Variants in ZSCAN5B observed in about 807,000 individuals in gnomAD.
ZSCAN5B encodes zinc finger and SCAN domain containing 5B.
Under a neutral mutation model 25.2 loss-of-function variants are expected in ZSCAN5B, and 26 were observed. The observed-to-expected ratio is 1.03, with a 90% CI of 0.76 to 1.43. The LOEUF is 1.43. ZSCAN5B is among the 40% of genes most tolerant of loss of function. The probability of loss-of-function intolerance (pLI) is 0.00; values close to 1 mark genes in which losing one functional copy is unlikely to be tolerated. For missense variants in ZSCAN5B, 745 were observed against 622.1 expected (o/e 1.20, Z -2.10); for synonymous variants, 244 against 240.9 (o/e 1.01, Z -0.12).
chr19:56,196,928 C>T (rs749301628), intron 1 of ZSCAN5B, among the ~76,000 whole-genome samples: 14 of 152,024 alleles, frequency 9.2e-5, no homozygotes, highest in Non-Finnish European at 1.3e-4. Flanking sequence ...TTGCTTGAGC[C>T]GAGGAGTTCG....
exon 5 of ZSCAN5B, chr19:56,190,013 G>T: frequency 3.7e-6 from 6 of 1,613,944 alleles, no homozygotes; most frequent in Non-Finnish European, 5.1e-6. Context: ...GCCTCTCCCC[G>T]GTGTGGATCC....
At chr19:56,193,357 C>T (rs1173542849) in intron 1 of ZSCAN5B, among the ~76,000 whole-genome samples, 178 bp from the exon 2 acceptor site, 4 of 152,152 alleles carry the variant, frequency 2.6e-5, no homozygotes, top group African/African-American at 7.2e-5. Flanking sequence ...AATCTGAATG[C>T]TCCCCTGGAT....
chr19:56,195,551 C>G (rs554460320), intron 1 of ZSCAN5B, among the ~76,000 whole-genome samples: 1 of 151,404 alleles, frequency 6.6e-6, no homozygotes, highest in Non-Finnish European at 1.5e-5. Context: ...TTAGAGCAGC[C>G]GATATGGGAG....
chr19:56,190,240 C>A lies in ZSCAN5B; in HGVS notation c.1075G>T (p.Val359Leu), dbSNP rs373469763. ...AAATACTTAAATGATTTATTGCACA[C>A]GTCACATGCAAAGGGCGGCAGGGCC... The change falls in exon 5 of 5, where the codon GTG becomes TTG. Residue 359 changes from valine to leucine, a missense_variant. By Grantham distance (32) the Val-to-Leu change is conservative. Coordinates refer to ENST00000586855, the Ensembl canonical transcript of ZSCAN5B. The A allele has an allele frequency of 2.5e-6, 4 of 1,614,142 alleles. No individual in the cohort carries two copies. The South Asian group carries it at 3.3e-5, about 13-fold the overall frequency.
chr19:56,190,950 G>C, exon 4 of ZSCAN5B: 1 of 1,614,034 alleles, frequency 6.2e-7, no homozygotes, highest in Non-Finnish European at 8.5e-7. Flanking sequence ...TGGGTCACCT[G>C]TTACGTCAAT....
chr19:56,196,825 C>T (rs1438940593), intron 1 of ZSCAN5B, among the ~76,000 whole-genome samples: 1 of 152,172 alleles, frequency 6.6e-6, no homozygotes, highest in East Asian at 1.9e-4. Flanking sequence ...TGAGAAAAGG[C>T]AGCCTGAAAT....
In ZSCAN5B at chr19:56,190,358, G is replaced by A. The variant is rs1397544167; in HGVS notation, c.957C>T (p.Gly319=). The change falls in exon 5 of 5, where the codon GGC becomes GGT. Residue 319 remains glycine, a synonymous_variant. Transcript: ENST00000586855. ...CAGCTTGTCCTGGGGATTCTCTGTT[G>A]CCCACAGGTGTGGCTTCTCCTTGAG... is the stretch of plus-strand genomic sequence containing the variant. 2.5e-6 allele frequency: 4 copies of A among 1,613,996 alleles called. No homozygotes were observed. In the African/African-American group the frequency reaches 5.3e-5, roughly 22 times the overall value.
chr19:56,189,878 C>A (rs575130520), exon 5 of ZSCAN5B: 2 of 1,613,878 alleles, frequency 1.2e-6, no homozygotes, highest in African/African-American at 2.7e-5. Flanking sequence ...TGAATGTCCC[C>A]AGCTGACGGA....
intron 4 of ZSCAN5B, 41 bp from the exon 5 acceptor site, chr19:56,190,616 C>A (rs775024324): frequency 1.9e-6 from 3 of 1,592,668 alleles, no homozygotes; most frequent in Non-Finnish European, 2.6e-6. Flanking sequence ...GTTAACAAAG[C>A]CGATTTTCAA....
At chr19:56,194,109 G>C (rs2032776973) in intron 1 of ZSCAN5B, among the ~76,000 whole-genome samples, 1 of 151,968 alleles carries the variant, frequency 6.6e-6, no homozygotes, top group African/African-American at 2.4e-5. Context: ...CAGAATCACT[G>C]CATCACCCCA....
chr19:56,190,528 C>G (rs776328317), exon 5 of ZSCAN5B: 6 of 1,613,612 alleles, frequency 3.7e-6, no homozygotes, highest in African/African-American at 1.3e-5. Flanking sequence ...ACATTTTCCA[C>G]AGAGGCTCTT....
chr19:56,195,290 G>C (rs956750773), intron 1 of ZSCAN5B, among the ~76,000 whole-genome samples: 2 of 152,130 alleles, frequency 1.3e-5, no homozygotes, highest in East Asian at 1.9e-4. Context: ...AACTCCTCCA[G>C]AGCGAGAAAA....
chr19:56,195,410 G>C (rs2032797770), intron 1 of ZSCAN5B, among the ~76,000 whole-genome samples: 1 of 151,976 alleles, frequency 6.6e-6, no homozygotes, highest in Non-Finnish European at 1.5e-5. Context: ...CATCATCAGG[G>C]ACATGCAAAT....
intron 1 of ZSCAN5B, among the ~76,000 whole-genome samples, chr19:56,195,707 G>T (rs2032801719): frequency 1.3e-5 from 2 of 152,114 alleles, no homozygotes; most frequent in African/African-American, 4.8e-5. Flanking sequence ...GTGGGAAGGT[G>T]GAAAAACTAC....
intron 1 of ZSCAN5B, among the ~76,000 whole-genome samples, chr19:56,196,969 G>A (rs374464410): frequency 7.2e-5 from 11 of 152,024 alleles, no homozygotes; most frequent in Admixed American, 5.9e-4. Flanking sequence ...GCGAGACCAC[G>A]TCTCTATAGT....
intron 1 of ZSCAN5B, among the ~76,000 whole-genome samples, chr19:56,193,878 C>G (rs1048833233): frequency 6.7e-6 from 1 of 149,758 alleles, no homozygotes; most frequent in Non-Finnish European, 1.5e-5. Context: ...AGGAGAATGG[C>G]GTGAACCCGG....
rs2032706478 is a variant in ZSCAN5B at position 56,190,139 on chromosome 19, G to A, written c.1176C>T (p.Phe392=). Residue 392 remains phenylalanine (F), a synonymous_variant, in exon 5 of 5, where the codon TTC becomes TTT. Transcript: ENST00000586855. ...GAACTCGGAGGTCTGAGGGCTGCAA[G>A]AAGCGCTTCCGACAGAGATCACATT... The A allele has an allele frequency of 3.1e-6, 5 of 1,613,958 alleles. No homozygotes were observed. The South Asian group carries it at 5.5e-5, about 18-fold the overall frequency.
chr19:56,190,665 G>T, intron 4 of ZSCAN5B, 90 bp from the exon 5 acceptor site: 1 of 1,557,328 alleles, frequency 6.4e-7, no homozygotes, highest in South Asian at 1.2e-5. Context: ...GACCTTGGCT[G>T]AGAACTTCCC....
At chr19:56,194,285 C>T (rs2032779095) in intron 1 of ZSCAN5B, among the ~76,000 whole-genome samples, 1 of 151,952 alleles carries the variant, frequency 6.6e-6, no homozygotes, top group Admixed American at 6.6e-5. Flanking sequence ...GGGATCATAC[C>T]ATAGAGCGGT....
Sources: gnomAD v4.1 joint callset for allele counts (sites outside exome capture counted in the v4.1 genomes callset) on GRCh38, gnomAD v4.1.1 for gene constraint, MANE v1.5 for transcripts, NCBI Gene and HGNC (gene_info 2026-07-23, HGNC 2026-07-21) for gene names.